Variants in CCDC57 observed in about 807,000 individuals in gnomAD.
The protein encoded by CCDC57 is coiled-coil domain-containing protein 57.
Under a neutral mutation model 118.9 loss-of-function variants are expected in CCDC57, and 118 were observed. The observed-to-expected ratio is 0.99, with a 90% CI of 0.86 to 1.16. The LOEUF is 1.16. Among genes scored for constraint, CCDC57 ranks in the 50% most tolerant of loss-of-function variants. CCDC57 has a pLI of 0.00. For synonymous variants in CCDC57, 527 were observed against 532.9 expected (o/e 0.99, Z 0.15); for missense variants, 1,300 against 1,320.7 (o/e 0.98, Z 0.24).
Position 82,193,373 on chromosome 17 carries a change from C to T in CCDC57, c.851+383G>A, listed in dbSNP as rs182463138. Among the ~76,000 whole-genome samples, 185 of 152,054 alleles carry T rather than the reference C, an allele frequency of 1.2e-3. 2 individuals are homozygous for T. Among genetic ancestry groups the T allele is most frequent in the African/African-American group, 4.1e-3 (169 of 41,496 alleles). Reference sequence around the variant, plus strand: ...ACCAGCCTGGCCAACATGGTGAGACCCTGTCTCTACTAAAAATACAAAAAT... The same window carrying T: ...ACCAGCCTGGCCAACATGGTGAGACTCTGTCTCTACTAAAAATACAAAAAT... On this transcript the variant is annotated intron_variant, in intron 7 of 19. Coordinates refer to ENST00000665763, the Ensembl canonical transcript of CCDC57.
exon 3 of CCDC57, chr17:82,201,846 C>T: frequency 6.2e-7 from 1 of 1,613,588 alleles, no homozygotes. Flanking sequence ...GCAGAGCCGC[C>T]TCCTGCAGCT....
At position 82,134,948 on chromosome 17, in the gene CCDC57, T is replaced by C. The variant is rs578102416; in HGVS notation, c.2456-754A>G. On this transcript the variant is annotated intron_variant, in intron 16 of 19. Coordinates refer to ENST00000665763, the Ensembl canonical transcript of CCDC57. ...ATTCATGTTATGTTATGTAAAGATC[T>C]GCTCCTTCTCTAAGCAGACACATCA... is the stretch of plus-strand genomic sequence containing the variant. Among the ~76,000 whole-genome samples the C allele has an allele frequency of 9.2e-5, 14 of 152,316 alleles. 1 individual carries two copies. The South Asian group carries it at 2.9e-3, about 32-fold the overall frequency.
At chr17:82,143,246 T>A (rs1022917792) in intron 16 of CCDC57, among the ~76,000 whole-genome samples, 1 of 151,626 alleles carries the variant, frequency 6.6e-6, no homozygotes, top group African/African-American at 2.4e-5. Flanking sequence ...AAAGTGATAC[T>A]CATGAAAACT....
At chr17:82,197,547 A>G (rs959976003) in intron 4 of CCDC57, among the ~76,000 whole-genome samples, 3 of 152,212 alleles carry the variant, frequency 2.0e-5, no homozygotes, top group Non-Finnish European at 2.9e-5. Flanking sequence ...ATAGTAAATA[A>G]TTCATGTTTT....
At chr17:82,153,242 G>C (rs1167217803) in intron 15 of CCDC57, among the ~76,000 whole-genome samples, 1 of 152,204 alleles carries the variant, frequency 6.6e-6, no homozygotes, top group East Asian at 1.9e-4. Context: ...GGGGGAGAGG[G>C]GCCAGGCAGG....
At chr17:82,148,592 G>GA (rs2041297169) in intron 16 of CCDC57, among the ~76,000 whole-genome samples, 1 of 79,472 alleles carries the variant, frequency 1.3e-5, no homozygotes, top group African/African-American at 4.7e-5. Flanking sequence ...TGGGTGGATG[G>GA]TAGATGGATA....
rs1491325954 is a variant in CCDC57, at chr17:82,212,134, TCA to T, written c.-211+649_-211+650del. ...GGCAATACAGGACTCCTGAGTAGTCTCAGAGTGTGGCGTTCTCTCTATAACTC... is the reference window on the plus strand; with the variant it reads ...GGCAATACAGGACTCCTGAGTAGTCTGAGTGTGGCGTTCTCTCTATAACTC... On this transcript the variant is annotated intron_variant, in intron 1 of 19. Coordinates refer to ENST00000665763, the Ensembl canonical transcript of CCDC57. The surrounding 1 kb of genome is among the most constrained non-coding windows in gnomAD (Gnocchi z 4.1). Among the ~76,000 whole-genome samples the T allele has an allele frequency of 6.6e-6, 1 of 152,168 alleles. No homozygotes were observed. Among genetic ancestry groups the T allele is most frequent in the Non-Finnish European group, 1.5e-5 (1 of 68,028 alleles).
chr17:82,143,021 G>A (rs931069856), intron 16 of CCDC57, among the ~76,000 whole-genome samples: 10 of 152,078 alleles, frequency 6.6e-5, no homozygotes, highest in African/African-American at 2.2e-4. Context: ...AAAACTAGCC[G>A]GGCGTGGTGG....
At chr17:82,160,961 G>A (rs2043260594) in intron 14 of CCDC57, among the ~76,000 whole-genome samples, 1 of 150,426 alleles carries the variant, frequency 6.6e-6, no homozygotes, top group African/African-American at 2.4e-5. Context: ...TATCTAATAA[G>A]GGACTTGTAT....
intron 19 of CCDC57, chr17:82,107,368 C>T (rs774650801): frequency 4.4e-6 from 2 of 452,132 alleles, no homozygotes; most frequent in South Asian, 1.6e-5. Flanking sequence ...ACAGATGCCG[C>T]GGGAGTGGGG....
chr17:82,208,506 C>T (rs1271751725), intron 1 of CCDC57, among the ~76,000 whole-genome samples: 3 of 152,262 alleles, frequency 2.0e-5, no homozygotes, highest in Admixed American at 6.5e-5. Flanking sequence ...TCACCCGCCT[C>T]GGCCTCCCGA....
chr17:82,203,124 T>C (rs7218857), intron 2 of CCDC57, among the ~76,000 whole-genome samples: 71,100 of 152,028 alleles, frequency 0.47, 17,405 homozygotes, highest in East Asian at 0.88. Flanking sequence ...GTGCCGTCTT[T>C]GTGACAGTGA....
At chr17:82,116,378 C>T (rs1032032976) in intron 19 of CCDC57, among the ~76,000 whole-genome samples, 2 of 152,166 alleles carry the variant, frequency 1.3e-5, no homozygotes, top group African/African-American at 4.8e-5. Context: ...GCCTCCAAAT[C>T]CCACCCCCAG....
rs74557461 is a variant in CCDC57 at position 82,118,456 on chromosome 17, G to C, written c.2899+9236C>G. 1.4e-4 allele frequency among the ~76,000 whole-genome samples: 22 copies of C among 152,270 alleles called. No individual in the cohort carries two copies. The highest frequency in any genetic ancestry group is 3.4e-3 in the Middle Eastern group (1 of 294). On this transcript the variant is annotated intron_variant, in intron 19 of 19. Transcript: ENST00000665763. The surrounding 1 kb of genome is among the most constrained non-coding windows in gnomAD (Gnocchi z 4.7). ...GGTTTGGAACATCCTTTGCCCCAGCGAGGTGCGAGGTGCTCCGGAACTTGC... is the reference window on the plus strand; with the variant it reads ...GGTTTGGAACATCCTTTGCCCCAGCCAGGTGCGAGGTGCTCCGGAACTTGC...
At chr17:82,128,549 G>A in exon 18 of CCDC57, 4 of 1,574,328 alleles carry the variant, frequency 2.5e-6, no homozygotes, top group Non-Finnish European at 3.5e-6. Flanking sequence ...CGGGGCTGGT[G>A]CTTTCCCAAG....
intron 19 of CCDC57, chr17:82,126,557 C>T (rs548421565): frequency 1.5e-4 from 146 of 985,144 alleles, no homozygotes; most frequent in East Asian, 1.0e-3. Flanking sequence ...CGAAGATGCA[C>T]GACCTCCCAG....
chr17:82,151,642 T>C, exon 16 of CCDC57: 1 of 1,550,434 alleles, frequency 6.4e-7, no homozygotes, highest in Admixed American at 2.0e-5. Flanking sequence ...TGATGATTTT[T>C]CTGGCTGCCT....
chr17:82,193,990 G>C, exon 6 of CCDC57: 1 of 1,610,512 alleles, frequency 6.2e-7, no homozygotes, highest in Non-Finnish European at 8.5e-7. Context: ...ACCGGGCGCG[G>C]CTCATGGCCT....
intron 15 of CCDC57, chr17:82,154,115 G>C (rs898648785): frequency 6.6e-6 from 1 of 152,370 alleles, no homozygotes; most frequent in Non-Finnish European, 1.5e-5. Flanking sequence ...CAGTGACTGG[G>C]GGAAGTTTTG....
Sources: allele counts gnomAD v4.1 joint callset (sites outside exome capture counted in the v4.1 genomes callset), GRCh38; gene constraint gnomAD v4.1.1; non-coding constraint Gnocchi (gnomAD v3.1); transcripts MANE v1.5; gene names NCBI Gene and HGNC (gene_info 2026-07-23, HGNC 2026-07-21).